Variants in STX8 observed in about 807,000 individuals in gnomAD.
STX8 encodes syntaxin-8.
A neutral mutation model predicts 37.5 loss-of-function variants in STX8; 23 were observed. That is an observed-to-expected ratio of 0.61 (90% CI 0.44 to 0.87). The LOEUF (loss-of-function observed/expected upper bound fraction) is 0.87. STX8 is among the 40% of genes least tolerant of loss of function. STX8 has a pLI of 0.00. For synonymous variants in STX8, 115 were observed against 99.1 expected (o/e 1.16, Z -0.95); for missense variants, 313 against 284.7 (o/e 1.10, Z -0.71).
At chr17:9,532,874 G>A (rs1417328766) in intron 4 of STX8, among the ~76,000 whole-genome samples, 2 of 151,988 alleles carry the variant, frequency 1.3e-5, no homozygotes, top group East Asian at 3.9e-4. Flanking sequence ...CTGCTTCATC[G>A]TCTTCAATAT....
Position 9,397,160 on chromosome 17 carries a change from G to A in STX8, c.542-18507C>T, listed in dbSNP as rs1425807995. Among the ~76,000 whole-genome samples, 3 of 152,336 alleles carry A rather than the reference G, an allele frequency of 2.0e-5. No individual in the cohort carries two copies. The South Asian group carries it at 6.2e-4, about 32-fold the overall frequency. Reference sequence around the variant, plus strand: ...CGCCTGTAATCCCAGCACTTTGGGAGGCCGAGGCAGGCAGATCACGACGTC... The same window carrying A: ...CGCCTGTAATCCCAGCACTTTGGGAAGCCGAGGCAGGCAGATCACGACGTC... On this transcript the variant is annotated intron_variant, in intron 6 of 7. Coordinates refer to ENST00000306357, the MANE Select transcript of STX8 (RefSeq NM_004853.3).
At chr17:9,334,887 G>C (rs1226686261) in intron 7 of STX8, among the ~76,000 whole-genome samples, 1 of 152,156 alleles carries the variant, frequency 6.6e-6, no homozygotes, top group East Asian at 1.9e-4. Flanking sequence ...CAAAGAATCA[G>C]TATGTCAGTA....
At chr17:9,285,784 G>C (rs1908052343) in intron 7 of STX8, among the ~76,000 whole-genome samples, 1 of 152,198 alleles carries the variant, frequency 6.6e-6, no homozygotes, top group Non-Finnish European at 1.5e-5. Context: ...TGAACACATT[G>C]TTTACTACAA....
At chr17:9,319,205 G>A (rs943904554) in intron 7 of STX8, among the ~76,000 whole-genome samples, 1 of 152,146 alleles carries the variant, frequency 6.6e-6, no homozygotes, top group Non-Finnish European at 1.5e-5. Context: ...GGATCACAAG[G>A]TCAGGAGATC....
intron 6 of STX8, among the ~76,000 whole-genome samples, chr17:9,490,557 G>C (rs1371474385): frequency 6.6e-6 from 1 of 151,880 alleles, no homozygotes; most frequent in Non-Finnish European, 1.5e-5. Flanking sequence ...ATTTTTAGTA[G>C]AGATGAGGTC....
chr17:9,500,577 G>A (rs918375647), intron 5 of STX8, among the ~76,000 whole-genome samples: 2 of 152,230 alleles, frequency 1.3e-5, no homozygotes, highest in East Asian at 3.9e-4. Flanking sequence ...TTTGAGTCTC[G>A]AGCTGAGTGT....
At chr17:9,529,441 TACAA>T (rs1026046016) in intron 4 of STX8, among the ~76,000 whole-genome samples, 1 of 151,666 alleles carries the variant, frequency 6.6e-6, no homozygotes, top group Non-Finnish European at 1.5e-5. Flanking sequence ...AAGTAGAACT[TACAA>T]ACAGAAAAAT....
intron 7 of STX8, among the ~76,000 whole-genome samples, chr17:9,320,907 AAAAG>A (rs1362684208): frequency 2.6e-5 from 4 of 151,868 alleles, no homozygotes; most frequent in Admixed American, 6.6e-5. Context: ...CCAAAAAAAA[AAAAG>A]AAAGAAATCT....
chr17:9,503,105 C>CAAAAAA (rs61437085), intron 5 of STX8, among the ~76,000 whole-genome samples: 10 of 58,548 alleles, frequency 1.7e-4, no homozygotes, highest in African/African-American at 3.0e-4. Context: ...GACTCTGTCT[C>CAAAAAA]AAAAAAAAAA....
intron 5 of STX8, among the ~76,000 whole-genome samples, chr17:9,503,607 A>G (rs1402157344): frequency 6.6e-6 from 1 of 152,200 alleles, no homozygotes; most frequent in Non-Finnish European, 1.5e-5. Flanking sequence ...CCTACACTCA[A>G]GCCATCCTGC....
chr17:9,255,016 C>A (rs1021472073), intron 7 of STX8, among the ~76,000 whole-genome samples: 4 of 152,108 alleles, frequency 2.6e-5, no homozygotes, highest in Non-Finnish European at 4.4e-5. Context: ...GTGGCCAATG[C>A]CAACCCACAA....
At chr17:9,441,751 C>T (rs1427261113) in intron 6 of STX8, among the ~76,000 whole-genome samples, 6 of 147,704 alleles carry the variant, frequency 4.1e-5, no homozygotes, top group Admixed American at 1.4e-4. Flanking sequence ...TCTCAGCTCA[C>T]GGCAAGCTCC....
At chr17:9,530,331 G>A (rs1452296789) in intron 4 of STX8, among the ~76,000 whole-genome samples, 1 of 148,438 alleles carries the variant, frequency 6.7e-6, no homozygotes, top group South Asian at 2.1e-4. Context: ...AAAAAAAACA[G>A]CACTGCTATA....
intron 7 of STX8, 33 bp from the exon 8 acceptor site, chr17:9,250,678 A>C (rs768833588): frequency 6.4e-7 from 1 of 1,557,600 alleles, no homozygotes; most frequent in South Asian, 1.2e-5. Context: ...ACTACTTTTA[A>C]TGATTCCTAC....
intron 2 of STX8, among the ~76,000 whole-genome samples, chr17:9,559,780 T>TTTTTTA (rs1663311324): frequency 7.7e-6 from 1 of 129,580 alleles, no homozygotes; most frequent in Non-Finnish European, 1.6e-5. Flanking sequence ...TTTTTTTTTT[T>TTTTTTA]GAGACAGAGT....
intron 7 of STX8, among the ~76,000 whole-genome samples, chr17:9,271,822 C>G (rs1478308859): frequency 1.3e-5 from 2 of 151,838 alleles, no homozygotes; most frequent in Non-Finnish European, 2.9e-5. Flanking sequence ...TTTTAACAAG[C>G]CTCCATGTGA....
At chr17:9,421,713 CA>C (rs1913437478) in intron 6 of STX8, among the ~76,000 whole-genome samples, 1 of 152,038 alleles carries the variant, frequency 6.6e-6, no homozygotes, top group African/African-American at 2.4e-5. Context: ...TTCCTCACTC[CA>C]AAAGGAAACC....
intron 7 of STX8, among the ~76,000 whole-genome samples, chr17:9,255,854 G>A (rs2142120330): frequency 6.6e-6 from 1 of 152,302 alleles, no homozygotes; most frequent in East Asian, 1.9e-4. Flanking sequence ...GATTCTTTGG[G>A]TCAAAGAGAA....
At chr17:9,394,015 G>C (rs2142308022) in intron 6 of STX8, among the ~76,000 whole-genome samples, 1 of 152,122 alleles carries the variant, frequency 6.6e-6, no homozygotes, top group African/African-American at 2.4e-5. Context: ...ATACAAGAGA[G>C]ATACAGGTAA....
Sources: allele counts gnomAD v4.1 joint callset (sites outside exome capture counted in the v4.1 genomes callset), GRCh38; gene constraint gnomAD v4.1.1; transcripts MANE v1.5; gene names NCBI Gene and HGNC (gene_info 2026-07-23, HGNC 2026-07-21).